The following RPS6KC1 variants were observed in gnomAD, a reference collection of about 807,000 sequenced individuals.
RPS6KC1 encodes the protein inactive ribosomal protein S6 kinase delta-1.
RPS6KC1 carries 54 observed loss-of-function variants against 103.8 expected under a neutral mutation model. The ratio of observed to expected loss-of-function variants is 0.52; its 90% CI spans 0.42 to 0.65. The LOEUF (loss-of-function observed/expected upper bound fraction) is 0.65. Ranked by LOEUF, RPS6KC1 falls within the 30% of genes least tolerant of loss-of-function variation. The pLI, the probability that RPS6KC1 is intolerant of heterozygous loss-of-function variation, is 0.00. For synonymous variants in RPS6KC1, 439 were observed against 438.7 expected, an observed-to-expected ratio of 1.00 and a Z score of -0.01; for missense variants, 1,151 against 1,253.8, an observed-to-expected ratio of 0.92 and a Z score of 1.24.
At chr1:213,728,965 T>TTTTTTA in the RPS6KC1 span, among the ~76,000 whole-genome samples, 4 of 141,124 alleles carry the variant, frequency 2.8e-5, no homozygotes, top group African/African-American at 8.2e-5. Context: ...TTTTTTTTTT[T>TTTTTTA]ACCAGTGGAC....
At chr1:213,801,095 G>A in the RPS6KC1 span, among the ~76,000 whole-genome samples, 14 of 152,294 alleles carry the variant, frequency 9.2e-5, no homozygotes, top group South Asian at 4.1e-4. Context: ...CTTTTGCTGA[G>A]CTGGACCTCT....
At chr1:213,446,450 A>G in the RPS6KC1 span, among the ~76,000 whole-genome samples, 1 of 152,228 alleles carries the variant, frequency 6.6e-6, no homozygotes. Flanking sequence ...AATCTCAGGC[A>G]GGAGTTGATG....
chr1:213,696,957 C>T, the RPS6KC1 span, among the ~76,000 whole-genome samples: 1 of 152,192 alleles, frequency 6.6e-6, no homozygotes, highest in African/African-American at 2.4e-5. Context: ...AGATGCCAGT[C>T]GCAAGTAGAC....
At chr1:213,077,344 G>A (rs1053799230) in intron 2 of RPS6KC1, among the ~76,000 whole-genome samples, 2 of 152,112 alleles carry the variant, frequency 1.3e-5, no homozygotes, top group African/African-American at 4.8e-5. Flanking sequence ...ATTTTATATA[G>A]TATAAATCTT....
At chr1:213,639,854 GT>G in the RPS6KC1 span, among the ~76,000 whole-genome samples, 29 of 147,412 alleles carry the variant, frequency 2.0e-4, no homozygotes, top group African/African-American at 4.5e-4. Flanking sequence ...TTGGTCTATA[GT>G]TTTTTTTTTC....
At chr1:213,549,260 A>G in the RPS6KC1 span, among the ~76,000 whole-genome samples, 1 of 152,122 alleles carries the variant, frequency 6.6e-6, no homozygotes. Flanking sequence ...GGGCCAAGAG[A>G]GTCTTAGGTG....
chr1:213,137,448 C>T (rs570827300), intron 6 of RPS6KC1, among the ~76,000 whole-genome samples: 1 of 151,948 alleles, frequency 6.6e-6, no homozygotes, highest in Non-Finnish European at 1.5e-5. Context: ...ATTCTCCTGC[C>T]TCAACCTCCC....
the RPS6KC1 span, among the ~76,000 whole-genome samples, chr1:213,824,107 G>C: frequency 6.6e-6 from 1 of 152,106 alleles, no homozygotes; most frequent in Non-Finnish European, 1.5e-5. Context: ...AAAGACAAGG[G>C]CAATGAACAT....
intron 3 of RPS6KC1, among the ~76,000 whole-genome samples, chr1:213,091,918 G>T (rs560451197): frequency 1.3e-5 from 2 of 150,874 alleles, no homozygotes; most frequent in Non-Finnish European, 2.9e-5. Flanking sequence ...AATTTTTACT[G>T]CTTTATCAAG....
chr1:213,139,186 T>G (rs1026513007), intron 6 of RPS6KC1, among the ~76,000 whole-genome samples: 1 of 152,088 alleles, frequency 6.6e-6, no homozygotes, highest in Admixed American at 6.6e-5. Flanking sequence ...TCCCTGCCCA[T>G]TTTTTAATGG....
intron 10 of RPS6KC1, among the ~76,000 whole-genome samples, chr1:213,238,188 A>T (rs2094269284): frequency 6.6e-6 from 1 of 152,204 alleles, no homozygotes; most frequent in African/African-American, 2.4e-5. Context: ...TGGATGATAG[A>T]GGATTGAGAG....
chr1:213,151,609 C>A (rs1340152278), intron 6 of RPS6KC1, among the ~76,000 whole-genome samples: 1 of 94,894 alleles, frequency 1.1e-5, no homozygotes, highest in Admixed American at 8.3e-5. Context: ...GCTGACCCCC[C>A]CACCTCCATC....
At chr1:213,400,910 T>C in the RPS6KC1 span, among the ~76,000 whole-genome samples, 1 of 152,146 alleles carries the variant, frequency 6.6e-6, no homozygotes, top group Non-Finnish European at 1.5e-5. Flanking sequence ...TTTCACCAAG[T>C]TGGCCAGGCT....
chr1:213,407,335 C>T, the RPS6KC1 span, among the ~76,000 whole-genome samples: 1 of 152,138 alleles, frequency 6.6e-6, no homozygotes, highest in Non-Finnish European at 1.5e-5. Context: ...CCCCTATACC[C>T]CTATGGAATG....
At chr1:213,635,691 C>G in the RPS6KC1 span, among the ~76,000 whole-genome samples, 1 of 152,138 alleles carries the variant, frequency 6.6e-6, no homozygotes, top group Non-Finnish European at 1.5e-5. Context: ...TGGAAGCATT[C>G]CCTTTGAAAA....
chr1:213,148,055 C>A (rs1210334956), intron 6 of RPS6KC1, among the ~76,000 whole-genome samples: 1 of 152,184 alleles, frequency 6.6e-6, no homozygotes, highest in Admixed American at 6.5e-5. Flanking sequence ...TTGCATCCTG[C>A]AACTTTACTG....
chr1:213,817,613 G>A, the RPS6KC1 span: 1 of 152,190 alleles, frequency 6.6e-6, no homozygotes, highest in Non-Finnish European at 1.5e-5. Flanking sequence ...CCCTGTCTGA[G>A]CGTTCTTTCC....
chr1:213,637,170 TA>T, the RPS6KC1 span, among the ~76,000 whole-genome samples: 4 of 152,288 alleles, frequency 2.6e-5, no homozygotes, highest in African/African-American at 7.2e-5. Context: ...GGTGGGAGTG[TA>T]AACTAGTTCA....
chr1:213,859,767 TTTGCTTTTG>T, the RPS6KC1 span, among the ~76,000 whole-genome samples: 1 of 152,168 alleles, frequency 6.6e-6, no homozygotes, highest in Admixed American at 6.5e-5. Context: ...AGGGGTTGCT[TTTGCTTTTG>T]GAACTTTTTC....
Sources: allele counts gnomAD v4.1 joint callset (sites outside exome capture counted in the v4.1 genomes callset), GRCh38; gene constraint gnomAD v4.1.1; transcripts MANE v1.5; gene names NCBI Gene and HGNC (gene_info 2026-07-23, HGNC 2026-07-21).